The following SMYD3 variants were observed in gnomAD, a reference collection of about 807,000 sequenced individuals.
SMYD3 encodes the protein SET and MYND domain containing 3, also known as histone-lysine N-methyltransferase SMYD3.
In SMYD3, 36 loss-of-function variants were observed where a neutral mutation model predicts 57.7. The ratio of observed to expected loss-of-function variants is 0.62; its 90% confidence interval spans 0.48 to 0.82. The LOEUF (loss-of-function observed/expected upper bound fraction) is 0.82, where lower values mean the gene tolerates loss of function less well. SMYD3 is among the 40% of genes least tolerant of loss of function. The pLI is 0.00. For synonymous variants in SMYD3, 211 were observed against 195.0 expected (o/e 1.08, Z -0.68); for missense variants, 515 against 538.8 (o/e 0.96, Z 0.44).
intron 1 of SMYD3, among the ~76,000 whole-genome samples, chr1:246,371,885 T>C (rs2066198955): frequency 6.6e-6 from 1 of 152,012 alleles, no homozygotes. Flanking sequence ...CTTCTCCTTC[T>C]GCCTGCTTTA....
chr1:246,340,955 TCCAGTCTGTGTGACAGAGTGAGACC>T (rs1325717653), intron 2 of SMYD3, among the ~76,000 whole-genome samples: 3 of 152,050 alleles, frequency 2.0e-5, no homozygotes, highest in South Asian at 2.1e-4. Flanking sequence ...ACCACTGCAT[TCCAGTCTGTGTGACAGAGTGAGACC>T]CCAGGTCTCA....
intron 1 of SMYD3, among the ~76,000 whole-genome samples, chr1:246,366,953 TCAC>T (rs1051409545): frequency 4.7e-5 from 6 of 128,416 alleles, no homozygotes; most frequent in African/African-American, 1.5e-4. Flanking sequence ...AAAAAAAAAA[TCAC>T]CACATGTCAT....
chr1:246,238,701 T>A (rs2063550797), intron 5 of SMYD3, among the ~76,000 whole-genome samples: 1 of 152,192 alleles, frequency 6.6e-6, no homozygotes, highest in Non-Finnish European at 1.5e-5. Context: ...GATTATCTTC[T>A]TTCTTGGATT....
chr1:246,040,093 C>G (rs1334985558), intron 5 of SMYD3, among the ~76,000 whole-genome samples: 1 of 152,252 alleles, frequency 6.6e-6, no homozygotes, highest in Admixed American at 6.5e-5. Context: ...GTCAACCTTA[C>G]AAGATCCTAT....
In SMYD3 at chr1:245,955,131, G is replaced by A. The variant is rs148680152; in HGVS notation, c.532-25194C>T. On this transcript the variant is annotated intron_variant, in intron 5 of 11. Transcript: ENST00000490107. ...GTTTTTGTTTGAGTCTCGCTCTGTC[G>A]CCCAGGCTGGACTGCAGTGGCGCGA... Among the ~76,000 whole-genome samples the A allele has an allele frequency of 6.2e-3, 950 of 152,174 alleles. 12 individuals carry two copies. Among genetic ancestry groups the A allele is most frequent in the African/African-American group, 0.021 (880 of 41,520 alleles).
chr1:246,232,244 G>A (rs115637651), intron 5 of SMYD3, among the ~76,000 whole-genome samples: 2,261 of 152,236 alleles, frequency 0.015, 40 homozygotes, highest in African/African-American at 0.035. Flanking sequence ...TATTTAAAAC[G>A]AAGGCGACAC....
chr1:245,913,445 G>A (rs1432405790), intron 8 of SMYD3, among the ~76,000 whole-genome samples: 1 of 151,698 alleles, frequency 6.6e-6, no homozygotes, highest in Non-Finnish European at 1.5e-5. Context: ...ACACCAACAT[G>A]GCACATGTAT....
At chr1:246,337,178 G>A (rs2065555407) in intron 2 of SMYD3, among the ~76,000 whole-genome samples, 1 of 152,120 alleles carries the variant, frequency 6.6e-6, no homozygotes, top group Non-Finnish European at 1.5e-5. Flanking sequence ...GTGTGTAAGA[G>A]GCCTAAAATA....
chr1:246,467,364 G>A (rs2067897142), intron 1 of SMYD3, among the ~76,000 whole-genome samples: 1 of 151,834 alleles, frequency 6.6e-6, no homozygotes, highest in South Asian at 2.1e-4. Context: ...AAATATAAGA[G>A]CAGAAATAAA....
chr1:246,202,228 A>T lies in SMYD3; in HGVS notation c.531+124973T>A, dbSNP rs2062933536. The stretch of plus-strand genomic sequence containing the variant: ...TTTAAAAAAACAGTGACATATACAT[A>T]TCAGTCCTTTTATTTAGTACTGTAG... On this transcript the variant is annotated intron_variant, in intron 5 of 11. Coordinates refer to ENST00000490107, the MANE Select transcript of SMYD3 (RefSeq NM_001167740.2). This position sits in a 1 kb window ranked among gnomAD's most constrained non-coding sequence, Gnocchi z 4.1. Among the ~76,000 whole-genome samples the T allele has an allele frequency of 6.6e-6, 1 of 152,228 alleles. No individual in the cohort carries two copies. The highest frequency in any genetic ancestry group is 1.5e-5 in the Non-Finnish European group (1 of 68,042).
chr1:245,873,664 G>A (rs2052339645), intron 8 of SMYD3, among the ~76,000 whole-genome samples: 1 of 152,164 alleles, frequency 6.6e-6, no homozygotes, highest in Admixed American at 6.5e-5. Flanking sequence ...AATGCTTTAA[G>A]CTGCCGCAGA....
At chr1:246,133,340 C>T (rs1278467510) in intron 5 of SMYD3, among the ~76,000 whole-genome samples, 2 of 152,018 alleles carry the variant, frequency 1.3e-5, no homozygotes, top group African/African-American at 4.8e-5. Context: ...CTGAAAACAT[C>T]TATTGGTCCA....
At chr1:246,230,879 C>T (rs2148447077) in intron 5 of SMYD3, among the ~76,000 whole-genome samples, 1 of 152,298 alleles carries the variant, frequency 6.6e-6, no homozygotes, top group African/African-American at 2.4e-5. Flanking sequence ...CTACTGGTTA[C>T]CATATTTCAT....
chr1:245,971,367 C>T lies in SMYD3; in HGVS notation c.532-41430G>A, dbSNP rs527499950. The stretch of plus-strand genomic sequence containing the variant: ...GTAGATGACGGGTTGATGGGTGCAG[C>T]AAACCACCATGGCACGTGTATACCT... On this transcript the variant is annotated intron_variant, in intron 5 of 11. Transcript: ENST00000490107. Among the ~76,000 whole-genome samples the T allele has an allele frequency of 3.9e-5, 6 of 152,118 alleles. No individual in the cohort carries two copies. In the South Asian group the frequency reaches 1.2e-3, roughly 32 times the overall value.
At chr1:245,786,220 G>T (rs1387783207) in intron 10 of SMYD3, among the ~76,000 whole-genome samples, 2 of 146,540 alleles carry the variant, frequency 1.4e-5, no homozygotes, top group Non-Finnish European at 1.5e-5. Context: ...GGACGGGGGG[G>T]GGATGGTGGC....
rs2046759317 is a variant in SMYD3 at position 245,779,820 on chromosome 1, AT to A, written c.1077-15672del. Reference sequence around the variant, plus strand: ...AAGCACTTTGGAAAACATTTTGGCAATTACCTAAAAAGTTAAACAGAAGACT... The same window carrying A: ...AAGCACTTTGGAAAACATTTTGGCAATACCTAAAAAGTTAAACAGAAGACT... On this transcript the variant is annotated intron_variant, in intron 10 of 11. Coordinates refer to ENST00000490107, the MANE Select transcript of SMYD3 (RefSeq NM_001167740.2). Among the ~76,000 whole-genome samples the A allele has an allele frequency of 3.3e-5, 5 of 152,352 alleles. No homozygotes were observed. The South Asian group carries it at 1.0e-3, about 32-fold the overall frequency.
At chr1:245,770,105 C>T (rs1034545367) in intron 10 of SMYD3, among the ~76,000 whole-genome samples, 4 of 152,158 alleles carry the variant, frequency 2.6e-5, no homozygotes, top group South Asian at 2.1e-4. Flanking sequence ...GCTGAAAACA[C>T]GAAATGCTGT....
chr1:246,242,829 C>G (rs1249552959), intron 5 of SMYD3, among the ~76,000 whole-genome samples: 2 of 151,720 alleles, frequency 1.3e-5, no homozygotes, highest in Admixed American at 1.3e-4. Context: ...GACTTTAAAG[C>G]AACAAAGATC....
intron 1 of SMYD3, among the ~76,000 whole-genome samples, chr1:246,373,075 C>T (rs1215663569): frequency 1.3e-5 from 2 of 151,954 alleles, no homozygotes; most frequent in East Asian, 1.9e-4. Context: ...ATCACATATA[C>T]ATTGTAAAAT....
Sources: gnomAD v4.1 joint callset for allele counts (sites outside exome capture counted in the v4.1 genomes callset) on GRCh38, gnomAD v4.1.1 for gene constraint, Gnocchi (gnomAD v3.1) non-coding constraint, MANE v1.5 for transcripts, NCBI Gene and HGNC (gene_info 2026-07-23, HGNC 2026-07-21) for gene names.